Variants in OR51E2 observed in about 807,000 individuals in gnomAD.
OR51E2 encodes the protein olfactory receptor 51E2.
A neutral mutation model predicts 13.7 loss-of-function variants in OR51E2; 14 were observed. The ratio of observed to expected loss-of-function variants is 1.02; its 90% CI spans 0.68 to 1.60. The LOEUF (loss-of-function observed/expected upper bound fraction) is 1.60, where lower values mean the gene tolerates loss of function less well. Among genes scored for constraint, OR51E2 ranks in the 40% most tolerant of loss-of-function variants. The probability of loss-of-function intolerance (pLI) is 0.00; values close to 1 mark genes in which losing one functional copy is unlikely to be tolerated. For synonymous variants in OR51E2, 180 were observed against 157.6 expected, an observed-to-expected ratio of 1.14 and a Z score of -1.07; for missense variants, 483 against 413.8, an observed-to-expected ratio of 1.17 and a Z score of -1.45.
At chr11:4,697,529 C>T (rs572078394) in intron 1 of OR51E2, 124 bp downstream of exon 1, 1 of 152,648 alleles carries the variant, frequency 6.6e-6, no homozygotes, top group East Asian at 1.9e-4. Flanking sequence ...TACCGTCCTC[C>T]TCAGCCCACC....
chr11:4,692,378 G>T (rs1346179879), intron 1 of OR51E2, among the ~76,000 whole-genome samples: 1 of 152,212 alleles, frequency 6.6e-6, no homozygotes, highest in East Asian at 1.9e-4. Context: ...AAGACAGGAG[G>T]CTGCCCCCAC....
intron 1 of OR51E2, among the ~76,000 whole-genome samples, chr11:4,683,193 T>C (rs1461403190): frequency 1.3e-5 from 2 of 152,184 alleles, no homozygotes; most frequent in African/African-American, 2.4e-5. Flanking sequence ...TAGCATAATA[T>C]ATGCATTTAA....
At position 4,680,356 on chromosome 11, in the gene OR51E2, G is replaced by A. The variant is rs2292157; in HGVS notation, c.*1393C>T. ...GGAAAAAAGCAAGCAATAAGATCAC[G>A]AAAGGCAGCTGTAAAACAGGATTAT... On this transcript the variant is annotated 3_prime_UTR_variant, in exon 2 of 2. Coordinates refer to ENST00000396950, the MANE Select transcript of OR51E2 (RefSeq NM_030774.4). The A allele has an allele frequency of 0.056, 8,573 of 152,426 alleles. 424 individuals carry two copies. Among genetic ancestry groups the A allele is most frequent in the East Asian group, 0.19 (973 of 5,174 alleles). The allele number at this position is 152,426 out of a possible 1,614,324, so 9.4% of individuals were successfully genotyped here. A position where few individuals can be genotyped will look rare whatever the true frequency, so the allele number is the denominator to read the frequency against.
chr11:4,691,891 T>G (rs777957044), intron 1 of OR51E2, among the ~76,000 whole-genome samples: 7 of 152,208 alleles, frequency 4.6e-5, no homozygotes, highest in Non-Finnish European at 8.8e-5. Flanking sequence ...GTGGGCACTT[T>G]GGTTTGTTTT....
chr11:4,687,390 G>A (rs1847528788), intron 1 of OR51E2, among the ~76,000 whole-genome samples: 1 of 152,138 alleles, frequency 6.6e-6, no homozygotes, highest in African/African-American at 2.4e-5. Flanking sequence ...GTTGGGAAGT[G>A]GAAATAAAGC....
chr11:4,682,331 G>C lies in OR51E2; in HGVS notation c.381C>G (p.His127Gln). 6.2e-7 allele frequency: 1 copy of C among 1,614,200 alleles called. No individual in the cohort carries two copies. The highest frequency in any genetic ancestry group is 8.5e-7 in the Non-Finnish European group (1 of 1,180,040). Residue 127 changes from histidine to glutamine, a missense_variant, in exon 2 of 2, where the codon CAC (histidine) becomes CAG (glutamine). His to Gln is a conservative substitution (Grantham distance 24). Coordinates refer to ENST00000396950, the MANE Select transcript of OR51E2 (RefSeq NM_030774.4). The stretch of plus-strand genomic sequence containing the variant: ...TGAGCACTGCAGCATGGCGCAGTGG[G>C]TGGCAGATGGCCACATAACGGTCAA... ...MAFDRYVAIC[H>Q]PLRHAAVLNN...
At position 4,682,170 on chromosome 11, in the gene OR51E2, T is replaced by C. The variant is rs766989002; in HGVS notation, c.542A>G (p.Gln181Arg). 16 of 1,614,180 alleles carry C rather than the reference T, an allele frequency of 9.9e-6. 1 individual carries two copies. The Admixed American group carries it at 2.7e-4, about 27-fold the overall frequency. ...TGCATAGGCCAACTTCATTACATCC[T>C]GGTGGACACAATAGGAGTGCGAGAG... ...NVLSHSYCVHQDVMKLAYADT... is the reference protein window; with the variant it reads ...NVLSHSYCVHRDVMKLAYADT... Residue 181 changes from glutamine to arginine, a missense_variant, in exon 2 of 2, where the codon CAG (glutamine) becomes CGG (arginine). Coordinates refer to ENST00000396950, the MANE Select transcript of OR51E2 (RefSeq NM_030774.4).
chr11:4,697,616 G>A (rs989061947), intron 1 of OR51E2, 37 bp downstream of exon 1: 6 of 152,654 alleles, frequency 3.9e-5, no homozygotes, highest in African/African-American at 1.4e-4. Flanking sequence ...TTCATCTAGA[G>A]TCAAGCATTT....
chr11:4,689,891 T>C (rs1847556621), intron 1 of OR51E2, among the ~76,000 whole-genome samples: 1 of 151,182 alleles, frequency 6.6e-6, no homozygotes, highest in Non-Finnish European at 1.5e-5. Flanking sequence ...GAGGATAGAG[T>C]TGTGGTTTTT....
chr11:4,697,069 T>C (rs1847664259), intron 1 of OR51E2, among the ~76,000 whole-genome samples: 2 of 152,228 alleles, frequency 1.3e-5, no homozygotes, highest in South Asian at 4.1e-4. Context: ...ATGTGACAAG[T>C]ATTATTAGAT....
intron 1 of OR51E2, among the ~76,000 whole-genome samples, chr11:4,685,398 T>C (rs2133246604): frequency 6.6e-6 from 1 of 152,304 alleles, no homozygotes; most frequent in South Asian, 2.1e-4. Context: ...ATTAGTGTGT[T>C]TCTTCATGTG....
intron 1 of OR51E2, among the ~76,000 whole-genome samples, chr11:4,693,445 G>A (rs1390979231): frequency 6.6e-6 from 1 of 152,210 alleles, no homozygotes; most frequent in Non-Finnish European, 1.5e-5. Flanking sequence ...GAGCAGGCTG[G>A]GCGCGGTGGC....
chr11:4,692,796 T>C (rs565047246), intron 1 of OR51E2, among the ~76,000 whole-genome samples: 1 of 144,028 alleles, frequency 6.9e-6, no homozygotes, highest in African/African-American at 2.6e-5. Flanking sequence ...GTATCCAGAC[T>C]CACACATTCA....
rs202233060 is a variant in OR51E2 at position 4,682,273 on chromosome 11, C to T, written c.439G>A (p.Ala147Thr). The change falls in exon 2 of 2, where the codon GCT (alanine) becomes ACT (threonine). Residue 147 changes from alanine to threonine, a missense_variant. Transcript: ENST00000396950. ...AAAAAGAGGGATCCGCGGACCACAGCCACGATGCCAATCTGGGCTGTTACT... is the reference window on the plus strand; with the variant it reads ...AAAAAGAGGGATCCGCGGACCACAGTCACGATGCCAATCTGGGCTGTTACT... The part of the protein sequence containing the change: ...NTVTAQIGIV[A>T]VVRGSLFFFP... 6.2e-7 allele frequency: 1 copy of T among 1,614,188 alleles called. No individual in the cohort carries two copies. Among genetic ancestry groups the T allele is most frequent in the African/African-American group, 1.3e-5 (1 of 75,052 alleles).
intron 1 of OR51E2, among the ~76,000 whole-genome samples, chr11:4,683,511 G>C (rs770596397): frequency 6.6e-6 from 1 of 152,168 alleles, no homozygotes; most frequent in Admixed American, 6.5e-5. Flanking sequence ...CAAGGTAGTG[G>C]CTCCCTCCGA....
At chr11:4,693,591 G>T (rs1050762003) in intron 1 of OR51E2, among the ~76,000 whole-genome samples, 1 of 152,074 alleles carries the variant, frequency 6.6e-6, no homozygotes, top group Non-Finnish European at 1.5e-5. Context: ...CGTGGTGGCG[G>T]GCGCCTGTAG....
At chr11:4,685,792 C>T (rs1847507801) in intron 1 of OR51E2, 1 of 152,342 alleles carries the variant, frequency 6.6e-6, no homozygotes, top group South Asian at 2.1e-4. Flanking sequence ...ACTACCTTCT[C>T]CAGGATATTG....
chr11:4,690,998 C>T (rs1421982646), intron 1 of OR51E2: 4 of 454,934 alleles, frequency 8.8e-6, no homozygotes, highest in South Asian at 4.7e-5. Flanking sequence ...TTTCCTTCCT[C>T]TCTTCTGGGG....
chr11:4,691,937 G>A (rs999578572), intron 1 of OR51E2, among the ~76,000 whole-genome samples: 1 of 152,026 alleles, frequency 6.6e-6, no homozygotes. Context: ...TCTTCTCTAG[G>A]GCCCTTTGCT....
Sources: allele counts gnomAD v4.1 joint callset (sites outside exome capture counted in the v4.1 genomes callset), GRCh38; gene constraint gnomAD v4.1.1; transcripts MANE v1.5; gene names NCBI Gene and HGNC (gene_info 2026-07-23, HGNC 2026-07-21).